The following GLIS3 variants were observed in gnomAD, a reference collection of about 807,000 sequenced individuals.
The protein encoded by GLIS3 is zinc finger protein GLIS3.
A neutral mutation model predicts 78.6 loss-of-function variants in GLIS3; 53 were observed. The ratio of observed to expected loss-of-function variants is 0.67; its 90% CI spans 0.54 to 0.85. The LOEUF (loss-of-function observed/expected upper bound fraction) is 0.85. GLIS3 is among the 40% of genes least tolerant of loss of function. The pLI, the probability that GLIS3 is intolerant of heterozygous loss-of-function variation, is 0.00. For missense variants in GLIS3, 1,703 were observed against 1,231.1 expected, an observed-to-expected ratio of 1.38 and a Z score of -5.74; for synonymous variants, 684 against 509.9, an observed-to-expected ratio of 1.34 and a Z score of -4.60.
chr9:4,125,881 A>G lies in GLIS3; in HGVS notation c.449T>C (p.Val150Ala). 6.2e-7 allele frequency: 1 copy of G among 1,614,052 alleles called. No homozygotes were observed. The highest frequency in any genetic ancestry group is 8.5e-7 in the Non-Finnish European group (1 of 1,179,988). ...AACCATCATGGGACTGCTGGTGACC[A>G]CTAGATTGTTGCAGCTGCCTTTTCC... Reference protein sequence around the residue: ...SIGKGSCNNLVVTSSPMMVQR... With the variant: ...SIGKGSCNNLAVTSSPMMVQR... The change falls in exon 3 of 11, where the codon GTG becomes GCG. Residue 150 changes from valine (V) to alanine (A), a missense_variant. By Grantham distance (64) the Val-to-Ala change is moderately conservative. Coordinates refer to ENST00000381971, the MANE Select transcript of GLIS3 (RefSeq NM_001042413.2).
intron 3 of GLIS3, among the ~76,000 whole-genome samples, chr9:4,119,227 A>ATTT (rs1832000100): frequency 6.6e-6 from 1 of 152,240 alleles, no homozygotes; most frequent in African/African-American, 2.4e-5. Context: ...CCTGGGAAAA[A>ATTT]TTACTGATAC....
chr9:3,932,899 G>T (rs548110430), intron 5 of GLIS3: 4 of 326,236 alleles, frequency 1.2e-5, no homozygotes, highest in South Asian at 1.1e-4. Flanking sequence ...GAAAAAAACT[G>T]GGTATTTTTC....
Position 4,335,405 on chromosome 9 carries a change from C to T in GLIS3, n.264+11676G>A, listed in dbSNP as rs561370089. Among the ~76,000 whole-genome samples the T allele has an allele frequency of 9.8e-5, 15 of 152,300 alleles. No homozygotes were observed. The East Asian group carries it at 2.3e-3, about 23-fold the overall frequency. Reference sequence around the variant, plus strand: ...CAGTTAAAGTAAATCCTCAGTTGCTCGTAAACTTGCCAGATATAGCAAATA... The same window carrying T: ...CAGTTAAAGTAAATCCTCAGTTGCTTGTAAACTTGCCAGATATAGCAAATA... On this transcript the variant is annotated intron_variant and non_coding_transcript_variant, in intron 2 of 4. Transcript: ENST00000471664.
chr9:4,100,214 C>T (rs573892025), intron 4 of GLIS3, among the ~76,000 whole-genome samples: 1 of 152,166 alleles, frequency 6.6e-6, no homozygotes, highest in Non-Finnish European at 1.5e-5. Context: ...TAGGTTTACA[C>T]TGGGAAGTCA....
At chr9:4,375,072 C>A in the GLIS3 span, among the ~76,000 whole-genome samples, 1 of 152,198 alleles carries the variant, frequency 6.6e-6, no homozygotes, top group African/African-American at 2.4e-5. Flanking sequence ...TTGCTCTCTG[C>A]TTGATCTTAA....
At chr9:4,181,837 C>G (rs139327124) in intron 2 of GLIS3, among the ~76,000 whole-genome samples, 2 of 152,274 alleles carry the variant, frequency 1.3e-5, no homozygotes, top group African/African-American at 2.4e-5. Context: ...CAGAGACAGA[C>G]CCCGTTCCAA....
rs991871944 is a variant in GLIS3 at position 4,300,056 on chromosome 9, T to G, written c.-734A>C. The stretch of plus-strand genomic sequence containing the variant: ...GGGAGGAAGGCAGCCGGGCGAGGAG[T>G]GTGGATGTGTGTGCGGCCGCGAGGG... On this transcript the variant is annotated 5_prime_UTR_variant, in exon 1 of 11. Coordinates refer to ENST00000381971, the MANE Select transcript of GLIS3 (RefSeq NM_001042413.2). 4 of 142,622 alleles carry G rather than the reference T, an allele frequency of 2.8e-5. No homozygotes were observed. In the East Asian group the frequency reaches 8.6e-4, roughly 31 times the overall value. The allele number at this position is 142,622 out of a possible 1,614,324, so 8.8% of individuals were successfully genotyped here.
chr9:4,362,410 A>G, the GLIS3 span, among the ~76,000 whole-genome samples: 12 of 152,288 alleles, frequency 7.9e-5, no homozygotes, highest in East Asian at 2.1e-3. Context: ...CAGGAAGACA[A>G]TTTTCATCCC....
intron 4 of GLIS3, among the ~76,000 whole-genome samples, chr9:4,004,114 C>T (rs1265109666): frequency 6.6e-6 from 1 of 152,072 alleles, no homozygotes; most frequent in Non-Finnish European, 1.5e-5. Flanking sequence ...GATTCTTATT[C>T]AAGTAACAGA....
chr9:4,206,531 A>T (rs1370258447), intron 2 of GLIS3, among the ~76,000 whole-genome samples: 2 of 152,242 alleles, frequency 1.3e-5, no homozygotes, highest in Non-Finnish European at 2.9e-5. Flanking sequence ...GCCTATGTGC[A>T]GTGGACATTT....
At chr9:4,402,920 A>T in the GLIS3 span, among the ~76,000 whole-genome samples, 1 of 152,188 alleles carries the variant, frequency 6.6e-6, no homozygotes, top group South Asian at 2.1e-4. Context: ...AATAACAGAG[A>T]ACTTCCCAAA....
At chr9:4,383,945 T>G in the GLIS3 span, among the ~76,000 whole-genome samples, 1 of 152,214 alleles carries the variant, frequency 6.6e-6, no homozygotes. Flanking sequence ...AACCCCTCAA[T>G]TCCTCTCCTT....
At chr9:4,464,074 A>G in the GLIS3 span, among the ~76,000 whole-genome samples, 1 of 152,204 alleles carries the variant, frequency 6.6e-6, no homozygotes, top group Non-Finnish European at 1.5e-5. Flanking sequence ...ACACTGGCAA[A>G]TCATTGAACA....
the GLIS3 span, among the ~76,000 whole-genome samples, chr9:4,432,807 A>C: frequency 5.3e-5 from 8 of 151,562 alleles, no homozygotes; most frequent in African/African-American, 1.7e-4. Context: ...CGCCCGGCTA[A>C]TTTTTGTATT....
chr9:4,482,967 A>C, the GLIS3 span, among the ~76,000 whole-genome samples: 1 of 152,202 alleles, frequency 6.6e-6, no homozygotes, highest in Non-Finnish European at 1.5e-5. Context: ...GGAAAAAAAC[A>C]TTCTAACAAG....
chr9:3,994,427 C>G (rs1341389106), intron 4 of GLIS3, among the ~76,000 whole-genome samples: 1 of 152,204 alleles, frequency 6.6e-6, no homozygotes, highest in Non-Finnish European at 1.5e-5. Context: ...ATTCATTTTT[C>G]TCACTCAGGA....
chr9:4,468,752 C>G, the GLIS3 span, among the ~76,000 whole-genome samples: 3 of 152,168 alleles, frequency 2.0e-5, no homozygotes, highest in South Asian at 2.1e-4. Flanking sequence ...AACCAGCTAA[C>G]ATCATAATGA....
the GLIS3 span, among the ~76,000 whole-genome samples, chr9:4,433,815 G>A: frequency 6.6e-6 from 1 of 152,184 alleles, no homozygotes; most frequent in Non-Finnish European, 1.5e-5. Context: ...AAGAGTGGTT[G>A]GCGGGGCGCC....
rs147078877 is a variant in GLIS3, at chr9:4,333,030, C to T, written n.264+14051G>A. On this transcript the variant is annotated intron_variant and non_coding_transcript_variant, in intron 2 of 4. Coordinates refer to the GLIS3 transcript ENST00000471664. ...CTGACAGCTGCTTTATCTAAGTCAT[C>T]TCCTTCAATCTTCAGAACAACCTTA... Among the ~76,000 whole-genome samples the T allele has an allele frequency of 7.8e-3, 1,193 of 152,310 alleles. 51 individuals are homozygous for T. Among genetic ancestry groups the T allele is most frequent in the Admixed American group, 0.055 (845 of 15,300 alleles).
Sources: allele counts gnomAD v4.1 joint callset (sites outside exome capture counted in the v4.1 genomes callset), GRCh38; gene constraint gnomAD v4.1.1; transcripts MANE v1.5; gene names NCBI Gene and HGNC (gene_info 2026-07-23, HGNC 2026-07-21).